The following NAALADL2 variants were observed in gnomAD, a reference collection of about 807,000 sequenced individuals.
NAALADL2 encodes inactive N-acetylated-alpha-linked acidic dipeptidase-like protein 2.
A neutral mutation model predicts 87.2 loss-of-function variants in NAALADL2; 76 were observed. The observed-to-expected ratio is 0.87, with a 90% CI of 0.72 to 1.05. The LOEUF (loss-of-function observed/expected upper bound fraction) is 1.05. NAALADL2 is among the 50% of genes least tolerant of loss of function. NAALADL2 has a pLI of 0.00. For synonymous variants in NAALADL2, 354 were observed against 331.0 expected, an observed-to-expected ratio of 1.07 and a Z score of -0.75; for missense variants, 1,089 against 945.8, an observed-to-expected ratio of 1.15 and a Z score of -1.99.
intron 1 of NAALADL2, among the ~76,000 whole-genome samples, chr3:174,885,882 T>TG (rs1730055840): frequency 1.4e-4 from 1 of 7,188 alleles, no homozygotes; most frequent in Admixed American, 1.4e-3. Flanking sequence ...AGTTGTTTTT[T>TG]TTTTTTTTTT....
chr3:175,746,320 T>TC (rs1040098483), intron 12 of NAALADL2, among the ~76,000 whole-genome samples: 50 of 151,624 alleles, frequency 3.3e-4, no homozygotes, highest in African/African-American at 1.2e-3. Context: ...GGTTTGTTTT[T>TC]TTTTTTTTTT....
intron 2 of NAALADL2, among the ~76,000 whole-genome samples, chr3:174,581,655 A>G (rs945028913): frequency 6.6e-6 from 1 of 152,196 alleles, no homozygotes; most frequent in African/African-American, 2.4e-5. Context: ...AATTTGAACT[A>G]TCTACCGCAT....
At chr3:174,587,343 T>G (rs1716839321) in intron 2 of NAALADL2, among the ~76,000 whole-genome samples, 1 of 152,170 alleles carries the variant, frequency 6.6e-6, no homozygotes, top group Admixed American at 6.5e-5. Context: ...TTCCAGTCTG[T>G]GTCTTTTAAT....
chr3:175,497,069 T>TC (rs1291714005), intron 9 of NAALADL2, among the ~76,000 whole-genome samples: 1 of 152,032 alleles, frequency 6.6e-6, no homozygotes, highest in African/African-American at 2.4e-5. Flanking sequence ...GTAGTGTTTT[T>TC]AATTTTAATT....
At chr3:175,443,641 A>G (rs1266094014) in intron 5 of NAALADL2, among the ~76,000 whole-genome samples, 1 of 152,178 alleles carries the variant, frequency 6.6e-6, no homozygotes, top group East Asian at 1.9e-4. Context: ...AACCATTAAG[A>G]CATAGGCATT....
At chr3:175,016,261 A>G (rs1040555911) in intron 1 of NAALADL2, among the ~76,000 whole-genome samples, 1 of 147,154 alleles carries the variant, frequency 6.8e-6, no homozygotes, top group East Asian at 2.0e-4. Context: ...TAAATTATTT[A>G]TATATATATA....
intron 4 of NAALADL2, among the ~76,000 whole-genome samples, chr3:175,311,577 TGCTCCCTTC>T (rs1452167008): frequency 6.6e-6 from 1 of 151,628 alleles, no homozygotes; most frequent in African/African-American, 2.4e-5. Flanking sequence ...AAACAGGAAA[TGCTCCCTTC>T]CCTCCTCCCT....
At chr3:174,633,773 C>A (rs1160365243) in intron 2 of NAALADL2, among the ~76,000 whole-genome samples, 1 of 152,102 alleles carries the variant, frequency 6.6e-6, no homozygotes, top group Non-Finnish European at 1.5e-5. Context: ...GCTTTAGATA[C>A]CAGAAAAGAG....
At chr3:175,366,342 A>G (rs907607218) in intron 5 of NAALADL2, among the ~76,000 whole-genome samples, 22 of 151,858 alleles carry the variant, frequency 1.4e-4, no homozygotes, top group South Asian at 2.1e-4. Flanking sequence ...TCTTTATAAC[A>G]GCATGATTTA....
chr3:175,639,422 A>G lies in NAALADL2; in HGVS notation c.1896+12036A>G, dbSNP rs1204070232. ...TGCAAGCTCCACCTCCCGGGTTCAC[A>G]CCATTCTCCTGCCTCAGTCTCCCGA... is the stretch of plus-strand genomic sequence containing the variant. On this transcript the variant is annotated intron_variant, in intron 11 of 13. Coordinates refer to ENST00000454872, the MANE Select transcript of NAALADL2 (RefSeq NM_207015.3). 3.5e-5 allele frequency among the ~76,000 whole-genome samples: 5 copies of G among 144,746 alleles called. No homozygotes were observed. In the Admixed American group the frequency reaches 3.6e-4, roughly 10 times the overall value. The allele number at this position is 144,746 out of a possible 152,430, so 95.0% of individuals were successfully genotyped here.
intron 2 of NAALADL2, among the ~76,000 whole-genome samples, chr3:174,673,031 A>G (rs1726718795): frequency 6.6e-6 from 1 of 152,100 alleles, no homozygotes; most frequent in African/African-American, 2.4e-5. Flanking sequence ...ATTAAAGCCT[A>G]CATAAGGGAA....
At chr3:175,400,799 G>T (rs1317756224) in intron 5 of NAALADL2, among the ~76,000 whole-genome samples, 1 of 151,984 alleles carries the variant, frequency 6.6e-6, no homozygotes, top group Non-Finnish European at 1.5e-5. Flanking sequence ...CATCAATCCA[G>T]CATTATTTTC....
At chr3:175,059,451 C>A (rs1712968785) in intron 1 of NAALADL2, 1 of 176,532 alleles carries the variant, frequency 5.7e-6, no homozygotes. Flanking sequence ...ACTTTATCAT[C>A]TTCAGTTACA....
At chr3:175,737,714 G>GTT (rs71164650) in intron 12 of NAALADL2, among the ~76,000 whole-genome samples, 2,562 of 54,698 alleles carry the variant, frequency 0.047, 496 homozygotes, top group African/African-American at 0.085. Flanking sequence ...CAATGATCCA[G>GTT]TTTTTTTTTT....
At chr3:175,718,209 T>TG in intron 11 of NAALADL2, 3 of 722,612 alleles carry the variant, frequency 4.2e-6, no homozygotes, top group South Asian at 2.4e-5. Context: ...TTTTTTTTTT[T>TG]TTTTTTTTTT....
rs375771333 is a variant in NAALADL2 at position 175,367,471 on chromosome 3, C to T, written c.1090+43146C>T. 1.2e-4 allele frequency among the ~76,000 whole-genome samples: 18 copies of T among 152,164 alleles called. No individual in the cohort carries two copies. In the East Asian group the frequency reaches 2.5e-3, roughly 21 times the overall value. Reference sequence around the variant, plus strand: ...GGGCAATACGGCCATTTTCACGATACTGATTCTTCCTACCCATGAGCATGG... The same window carrying T: ...GGGCAATACGGCCATTTTCACGATATTGATTCTTCCTACCCATGAGCATGG... On this transcript the variant is annotated intron_variant, in intron 5 of 13. Transcript: ENST00000454872.
In NAALADL2 at chr3:174,928,946, T is replaced by C. The variant is rs150376215; in HGVS notation, c.43+69496T>C. ...GAGTCACTTGCCCATATAGAACTTATAATTAAGCTCTATATGGCCAGGTGG... is the reference window on the plus strand; with the variant it reads ...GAGTCACTTGCCCATATAGAACTTACAATTAAGCTCTATATGGCCAGGTGG... On this transcript the variant is annotated intron_variant, in intron 1 of 13. Coordinates refer to ENST00000454872, the MANE Select transcript of NAALADL2 (RefSeq NM_207015.3). Among the ~76,000 whole-genome samples, 302 of 152,332 alleles carry C rather than the reference T, an allele frequency of 2.0e-3. 1 individual carries two copies. Among genetic ancestry groups the C allele is most frequent in the Non-Finnish European group, 2.2e-3 (148 of 68,026 alleles).
chr3:174,702,044 G>A (rs560305256), intron 2 of NAALADL2, among the ~76,000 whole-genome samples: 4 of 152,272 alleles, frequency 2.6e-5, no homozygotes, highest in African/African-American at 9.6e-5. Flanking sequence ...CATCAGCAGT[G>A]TATGAGAGTT....
At chr3:175,406,937 T>C (rs1367009939) in intron 5 of NAALADL2, among the ~76,000 whole-genome samples, 1 of 152,098 alleles carries the variant, frequency 6.6e-6, no homozygotes, top group Admixed American at 6.6e-5. Context: ...TCCCAGCACT[T>C]TGGGAGGCTG....
Sources: allele counts gnomAD v4.1 joint callset (sites outside exome capture counted in the v4.1 genomes callset), GRCh38; gene constraint gnomAD v4.1.1; transcripts MANE v1.5; gene names NCBI Gene and HGNC (gene_info 2026-07-23, HGNC 2026-07-21).